The following ROR1 variants were observed in gnomAD, a reference collection of about 807,000 sequenced individuals.
ROR1 encodes the protein ROR family WNT receptor 1, also known as inactive tyrosine-protein kinase transmembrane receptor ROR1.
A neutral mutation model predicts 78.8 loss-of-function variants in ROR1; 19 were observed. That is an observed-to-expected ratio of 0.24 (90% confidence interval 0.17 to 0.35). The LOEUF is 0.35. Ranked by LOEUF, ROR1 falls within the 10% of genes least tolerant of loss-of-function variation. The pLI, the probability that ROR1 is intolerant of heterozygous loss-of-function variation, is 1.00. For missense variants in ROR1, 917 were observed against 1,177.8 expected, an observed-to-expected ratio of 0.78 and a Z score of 3.24; for synonymous variants, 386 against 433.6, an observed-to-expected ratio of 0.89 and a Z score of 1.36.
chr1:63,818,676 C>G (rs905748585), intron 1 of ROR1, among the ~76,000 whole-genome samples: 1 of 152,158 alleles, frequency 6.6e-6, no homozygotes, highest in African/African-American at 2.4e-5. Flanking sequence ...CATTTTTCCC[C>G]TCCCCTAGGT....
intron 1 of ROR1, among the ~76,000 whole-genome samples, chr1:63,822,615 T>G (rs1270647789): frequency 1.3e-5 from 2 of 152,194 alleles, no homozygotes; most frequent in Non-Finnish European, 2.9e-5. Context: ...TCTTGCAAGT[T>G]GATTTTATAA....
intron 2 of ROR1, among the ~76,000 whole-genome samples, chr1:64,026,162 T>C (rs1033483615): frequency 1.5e-4 from 23 of 152,156 alleles, no homozygotes; most frequent in African/African-American, 5.3e-4. Context: ...CACTCTTCTG[T>C]GTTTTATTCC....
At chr1:64,063,922 G>A (rs1646936365) in intron 4 of ROR1, among the ~76,000 whole-genome samples, 1 of 152,062 alleles carries the variant, frequency 6.6e-6, no homozygotes, top group South Asian at 2.1e-4. Context: ...CTTCTCACCT[G>A]AAAGGAACTT....
chr1:63,790,587 A>G (rs1045392584), intron 1 of ROR1, among the ~76,000 whole-genome samples: 1 of 152,212 alleles, frequency 6.6e-6, no homozygotes, highest in Non-Finnish European at 1.5e-5. Context: ...CTCCCTTACA[A>G]TCCTCCTCTT....
At chr1:64,159,935 C>A (rs1326327312) in intron 8 of ROR1, among the ~76,000 whole-genome samples, 2 of 152,166 alleles carry the variant, frequency 1.3e-5, no homozygotes, top group Non-Finnish European at 2.9e-5. Flanking sequence ...GGAGCCCCTG[C>A]ACTGCATCTT....
At chr1:63,851,645 C>CT (rs1645114624) in intron 1 of ROR1, among the ~76,000 whole-genome samples, 1 of 152,112 alleles carries the variant, frequency 6.6e-6, no homozygotes, top group Non-Finnish European at 1.5e-5. Flanking sequence ...TTTTCCAAAT[C>CT]TTTTTTAATG....
intron 1 of ROR1, among the ~76,000 whole-genome samples, chr1:63,790,117 T>G (rs1644716732): frequency 6.6e-6 from 1 of 152,204 alleles, no homozygotes; most frequent in African/African-American, 2.4e-5. Context: ...TGTTCTTAAA[T>G]AACCTTCATT....
chr1:63,880,456 A>G (rs746968802), intron 1 of ROR1, among the ~76,000 whole-genome samples: 6 of 152,184 alleles, frequency 3.9e-5, no homozygotes, highest in Non-Finnish European at 8.8e-5. Context: ...GAGAACCACA[A>G]TGTGTGTTCC....
intron 4 of ROR1, among the ~76,000 whole-genome samples, chr1:64,066,449 C>G (rs1172718550): frequency 6.6e-6 from 1 of 151,900 alleles, no homozygotes; most frequent in African/African-American, 2.4e-5. Context: ...TCCCAAGTAG[C>G]TGGGACTACA....
intron 4 of ROR1, among the ~76,000 whole-genome samples, chr1:64,089,959 C>A (rs1257730657): frequency 6.6e-6 from 1 of 152,082 alleles, no homozygotes; most frequent in African/African-American, 2.4e-5. Flanking sequence ...TTCTCATTCC[C>A]TTTTGCCTGC....
At chr1:64,002,072 C>A (rs1373327296) in intron 1 of ROR1, among the ~76,000 whole-genome samples, 2 of 150,390 alleles carry the variant, frequency 1.3e-5, no homozygotes, top group African/African-American at 4.9e-5. Context: ...TGTTTGTGGT[C>A]ATGTACTCCT....
intron 1 of ROR1, among the ~76,000 whole-genome samples, chr1:63,980,097 G>A (rs75127961): frequency 6.6e-6 from 1 of 151,864 alleles, no homozygotes; most frequent in South Asian, 2.1e-4. Flanking sequence ...TCAACTCCGT[G>A]CACTAAGGAT....
At chr1:63,997,971 T>A (rs1012130522) in intron 1 of ROR1, among the ~76,000 whole-genome samples, 8 of 152,182 alleles carry the variant, frequency 5.3e-5, no homozygotes, top group Admixed American at 2.6e-4. Flanking sequence ...ATTACTATTA[T>A]GCCCATTTTA....
intron 1 of ROR1, among the ~76,000 whole-genome samples, chr1:63,936,748 T>G (rs763726345): frequency 6.6e-6 from 1 of 152,202 alleles, no homozygotes; most frequent in Non-Finnish European, 1.5e-5. Flanking sequence ...CTGAGCACTT[T>G]CCTTAGCTCC....
At chr1:63,972,775 G>A (rs1367766498) in intron 1 of ROR1, among the ~76,000 whole-genome samples, 1 of 152,188 alleles carries the variant, frequency 6.6e-6, no homozygotes, top group Non-Finnish European at 1.5e-5. Flanking sequence ...CTTAATTCCA[G>A]TTAATCATTG....
At chr1:63,922,366 T>A (rs855811) in intron 1 of ROR1, among the ~76,000 whole-genome samples, 100,269 of 152,100 alleles carry the variant, frequency 0.66, 37,469 homozygotes, top group East Asian at 0.94. Flanking sequence ...AAAAGGTAAG[T>A]CTTTTCAATT....
intron 4 of ROR1, chr1:64,110,508 A>G (rs952467912): frequency 6.6e-5 from 10 of 152,100 alleles, no homozygotes; most frequent in African/African-American, 2.4e-4. Flanking sequence ...AACGCAAGCC[A>G]TCTAATTCCC....
At chr1:64,162,570 ACT>A (rs1159073763) in intron 8 of ROR1, among the ~76,000 whole-genome samples, 3 of 152,110 alleles carry the variant, frequency 2.0e-5, no homozygotes, top group African/African-American at 7.2e-5. Context: ...CTGCTCTGTG[ACT>A]CTGAGAAGCC....
chr1:63,897,432 A>T (rs926870204), intron 1 of ROR1, among the ~76,000 whole-genome samples: 5 of 152,194 alleles, frequency 3.3e-5, no homozygotes, highest in African/African-American at 1.2e-4. Context: ...CAGTGTTCAT[A>T]TTCAATAAAC....
Sources: gnomAD v4.1 joint callset for allele counts (sites outside exome capture counted in the v4.1 genomes callset) on GRCh38, gnomAD v4.1.1 for gene constraint, MANE v1.5 for transcripts, NCBI Gene and HGNC (gene_info 2026-07-23, HGNC 2026-07-21) for gene names.